Variants in KCTD5 observed in about 807,000 individuals in gnomAD.
The protein encoded by KCTD5 is potassium channel tetramerization domain containing 5, also known as BTB/POZ domain-containing protein KCTD5.
Under a neutral mutation model 27.9 loss-of-function variants are expected in KCTD5, and 12 were observed. The observed-to-expected ratio is 0.43, with a 90% confidence interval of 0.28 to 0.70. The LOEUF (loss-of-function observed/expected upper bound fraction) is 0.70. KCTD5 is among the 30% of genes least tolerant of loss of function. The pLI is 0.19. For missense variants in KCTD5, 226 were observed against 274.8 expected (o/e 0.82, Z 1.26); for synonymous variants, 147 against 121.4 (o/e 1.21, Z -1.39).
intron 5 of KCTD5, among the ~76,000 whole-genome samples, chr16:2,704,162 G>A (rs80094947): frequency 6.6e-6 from 1 of 152,224 alleles, no homozygotes; most frequent in Non-Finnish European, 1.5e-5. Flanking sequence ...CTGCTCTGAA[G>A]TGGGGCAGCT....
At chr16:2,691,129 C>T (rs993269199) in intron 1 of KCTD5, among the ~76,000 whole-genome samples, 6 of 152,202 alleles carry the variant, frequency 3.9e-5, no homozygotes, top group Admixed American at 1.3e-4. Context: ...CACAGCGAGA[C>T]CCGAACCCTG....
chr16:2,693,685 C>T (rs1038376423), intron 1 of KCTD5, among the ~76,000 whole-genome samples: 2 of 152,268 alleles, frequency 1.3e-5, no homozygotes, highest in African/African-American at 4.8e-5. Flanking sequence ...GCCCAGCACG[C>T]TTCCTTCTCC....
In KCTD5 at chr16:2,707,335, A is replaced by C; in HGVS notation, c.*8A>C. 6.2e-7 allele frequency: 1 copy of C among 1,613,542 alleles called. No homozygotes were observed. Among genetic ancestry groups the C allele is most frequent in the Non-Finnish European group, 8.5e-7 (1 of 1,179,394 alleles). ...CGAGGCTCAAGGATGTGAGGGACAC[A>C]GTATTGACAGCTGAAGAAATGATTT... On this transcript the variant is annotated 3_prime_UTR_variant, in exon 6 of 6. Coordinates refer to ENST00000301738, the MANE Select transcript of KCTD5 (RefSeq NM_018992.4).
chr16:2,685,243 T>C (rs1299723871), intron 1 of KCTD5, among the ~76,000 whole-genome samples: 3 of 151,454 alleles, frequency 2.0e-5, no homozygotes, highest in East Asian at 4.0e-4. Flanking sequence ...CTGGCCAGCA[T>C]GGCAAAACCC....
rs528415291 is a variant in KCTD5 at position 2,690,273 on chromosome 16, C to T, written c.253-5662C>T. ...CAGGGCTGTGTGTGCCCTGGCTCGG[C>T]GCTGTCTGCCATGTGCTCCCGTGGC... On this transcript the variant is annotated intron_variant, in intron 1 of 5. Transcript: ENST00000301738. Among the ~76,000 whole-genome samples the T allele has an allele frequency of 3.6e-4, 55 of 152,346 alleles. No individual in the cohort carries two copies. In the East Asian group the frequency reaches 8.5e-3, roughly 24 times the overall value.
At chr16:2,688,566 G>T (rs1396794847) in intron 1 of KCTD5, among the ~76,000 whole-genome samples, 1 of 150,566 alleles carries the variant, frequency 6.6e-6, no homozygotes, top group African/African-American at 2.5e-5. Context: ...GATATGCTAA[G>T]AACGCTTTTC....
chr16:2,688,231 ATATATATATATATATT>A (rs1254392354), intron 1 of KCTD5, among the ~76,000 whole-genome samples: 7 of 82,070 alleles, frequency 8.5e-5, no homozygotes, highest in Admixed American at 6.0e-4. Flanking sequence ...ATAAATAAAT[ATATATATATATATATT>A]TATTTATTTA....
chr16:2,696,553 C>T (rs1385428248), intron 2 of KCTD5, among the ~76,000 whole-genome samples: 2 of 152,254 alleles, frequency 1.3e-5, no homozygotes, highest in Non-Finnish European at 2.9e-5. Context: ...CGCCCACACG[C>T]GTTGGGCCCA....
intron 1 of KCTD5, among the ~76,000 whole-genome samples, chr16:2,693,507 C>T (rs1000963644): frequency 2.0e-5 from 3 of 152,246 alleles, no homozygotes; most frequent in Non-Finnish European, 2.9e-5. Context: ...GTCTTGAGGC[C>T]GAGCCCAGTG....
Position 2,707,440 on chromosome 16 carries a change from A to G in KCTD5, c.*113A>G, listed in dbSNP as rs757470471. 9 of 1,133,922 alleles carry G rather than the reference A, an allele frequency of 7.9e-6. No individual in the cohort carries two copies. The highest frequency in any genetic ancestry group is 1.2e-5 in the Non-Finnish European group (9 of 746,748). The allele number at this position is 1,133,922 out of a possible 1,614,324, so 70.2% of individuals were successfully genotyped here. On this transcript the variant is annotated 3_prime_UTR_variant, in exon 6 of 6. Transcript: ENST00000301738. Reference sequence around the variant, plus strand: ...GAAACCTGCTTTTGATCATTTTTCTAGAGATCTGGGTGTGAATCCTTTTTT... The same window carrying G: ...GAAACCTGCTTTTGATCATTTTTCTGGAGATCTGGGTGTGAATCCTTTTTT...
chr16:2,682,902 G>T (rs1397031415), intron 1 of KCTD5, 102 bp downstream of exon 1: 23 of 1,376,056 alleles, frequency 1.7e-5, no homozygotes, highest in Non-Finnish European at 2.1e-5. Context: ...GGGAGCGGGC[G>T]ACTCTCCTCG....
At chr16:2,689,717 C>T (rs1330187253) in intron 1 of KCTD5, among the ~76,000 whole-genome samples, 7 of 151,052 alleles carry the variant, frequency 4.6e-5, no homozygotes, top group African/African-American at 1.2e-4. Context: ...CTCACTGGAT[C>T]GCCCAGGCTG....
At chr16:2,699,712 C>T (rs2067602922) in intron 3 of KCTD5, 109 bp from the exon 4 acceptor site, 1 of 937,506 alleles carries the variant, frequency 1.1e-6, no homozygotes, top group Non-Finnish European at 1.7e-6. Flanking sequence ...GTGCCCTGTG[C>T]TGAGAACTGC....
At chr16:2,683,059 C>T in intron 1 of KCTD5, 1 of 441,550 alleles carries the variant, frequency 2.3e-6, no homozygotes. Context: ...GTCTCTTCCT[C>T]GCCCTCTTTG....
At position 2,682,971 on chromosome 16, in the gene KCTD5, A is replaced by G. The variant is rs530985218; in HGVS notation, c.252+171A>G. 4 of 703,986 alleles carry G rather than the reference A, an allele frequency of 5.7e-6. No homozygotes were observed. In the South Asian group the frequency reaches 7.4e-5, roughly 13 times the overall value. 43.6% of individuals were successfully genotyped at this position (703,986 alleles called of 1,614,324 possible). ...CCTCCCCAGCTTGCCCCGATCCCCT[A>G]CCCTGGGAGGGGAGGGTGAGGATGG... On this transcript the variant is annotated intron_variant, in intron 1 of 5. Transcript: ENST00000301738.
At chr16:2,700,057 C>T (rs1330721803) in intron 4 of KCTD5, 141 bp downstream of exon 4, 1 of 732,038 alleles carries the variant, frequency 1.4e-6, no homozygotes, top group Non-Finnish European at 2.3e-6. Context: ...ACGGCAGCGA[C>T]CTGTGCCCTG....
At chr16:2,684,458 G>GC (rs2067531271) in intron 1 of KCTD5, 1 of 151,526 alleles carries the variant, frequency 6.6e-6, no homozygotes, top group Non-Finnish European at 1.5e-5. Flanking sequence ...ATATGGTGAT[G>GC]CCCGGTCTCT....
chr16:2,699,315 TG>T (rs940055525), intron 3 of KCTD5: 4 of 435,114 alleles, frequency 9.2e-6, no homozygotes, highest in Admixed American at 5.0e-5. Context: ...GCCAGGCAGG[TG>T]GGGGATTAGG....
chr16:2,700,020 C>A, intron 4 of KCTD5, 104 bp downstream of exon 4: 1 of 1,048,958 alleles, frequency 9.5e-7, no homozygotes, highest in Non-Finnish European at 1.4e-6. Context: ...TTGCTGCTGG[C>A]GTCTTCCTGC....
Sources: gnomAD v4.1 joint callset for allele counts (sites outside exome capture counted in the v4.1 genomes callset) on GRCh38, gnomAD v4.1.1 for gene constraint, MANE v1.5 for transcripts, NCBI Gene and HGNC (gene_info 2026-07-23, HGNC 2026-07-21) for gene names.